CD2AP: variants seen among roughly 807,000 people sequenced by gnomAD.
CD2AP encodes the protein CD2-associated protein.
Under a neutral mutation model 85.1 loss-of-function variants are expected in CD2AP, and 46 were observed. The observed-to-expected ratio is 0.54, with a 90% CI of 0.43 to 0.69. CD2AP has a LOEUF of 0.69. CD2AP is among the 30% of genes least tolerant of loss of function. The pLI is 0.00. For missense variants in CD2AP, 769 were observed against 729.5 expected, an observed-to-expected ratio of 1.05 and a Z score of -0.62; for synonymous variants, 255 against 252.9, an observed-to-expected ratio of 1.01 and a Z score of -0.08.
intron 5 of CD2AP, among the ~76,000 whole-genome samples, chr6:47,560,871 A>G (rs1767840990): frequency 6.6e-6 from 1 of 152,194 alleles, no homozygotes. Context: ...TTTTACTCAA[A>G]TAGTTGTTAC....
At chr6:47,559,705 T>C (rs1767799864) in intron 5 of CD2AP, among the ~76,000 whole-genome samples, 2 of 152,240 alleles carry the variant, frequency 1.3e-5, no homozygotes, top group South Asian at 4.1e-4. Context: ...TTTTAGACTT[T>C]ATTAAGCTCC....
Position 47,587,703 on chromosome 6 carries a change from G to A in CD2AP, c.1108+5638G>A, listed in dbSNP as rs1768668930. ...GAGGAACTCATAATTATTTTGGAAT[G>A]CAAGTAGGGAGGCATGTAAATGTGT... On this transcript the variant is annotated intron_variant, in intron 11 of 17. Coordinates refer to ENST00000359314, the MANE Select transcript of CD2AP (RefSeq NM_012120.3). 7.2e-5 allele frequency among the ~76,000 whole-genome samples: 11 copies of A among 152,170 alleles called. No homozygotes were observed. The South Asian group carries it at 2.3e-3, about 32-fold the overall frequency.
intron 1 of CD2AP, among the ~76,000 whole-genome samples, chr6:47,489,980 T>TG (rs1765686858): frequency 1.3e-5 from 2 of 151,130 alleles, no homozygotes; most frequent in Admixed American, 6.6e-5. Flanking sequence ...TTTTTTTTTT[T>TG]TTTTTTTTTT....
At chr6:47,587,504 G>A (rs1768664262) in intron 11 of CD2AP, among the ~76,000 whole-genome samples, 1 of 152,216 alleles carries the variant, frequency 6.6e-6, no homozygotes, top group Non-Finnish European at 1.5e-5. Flanking sequence ...CTGCCCCTCT[G>A]TTGTTTTCAT....
At chr6:47,606,308 T>C in intron 14 of CD2AP, 31 bp downstream of exon 14, 1 of 1,229,248 alleles carries the variant, frequency 8.1e-7, no homozygotes, top group Non-Finnish European at 1.2e-6. Flanking sequence ...TAAACTACAG[T>C]ATATTTAGCA....
intron 4 of CD2AP, among the ~76,000 whole-genome samples, chr6:47,554,415 C>T (rs1190226186): frequency 2.0e-5 from 3 of 152,124 alleles, no homozygotes; most frequent in Non-Finnish European, 4.4e-5. Context: ...TACAAATTGT[C>T]ATTGTAAATG....
intron 16 of CD2AP, among the ~76,000 whole-genome samples, chr6:47,611,887 A>G (rs1769450804): frequency 6.6e-6 from 1 of 152,086 alleles, no homozygotes; most frequent in South Asian, 2.1e-4. Flanking sequence ...GAAAAGACAT[A>G]ATATTGAATA....
chr6:47,625,559 T>A lies in CD2AP; in HGVS notation c.*1332T>A, dbSNP rs1041160384. On this transcript the variant is annotated 3_prime_UTR_variant, in exon 18 of 18. Coordinates refer to ENST00000359314, the MANE Select transcript of CD2AP (RefSeq NM_012120.3). Reference sequence around the variant, plus strand: ...AGTGGGTTTATTTAAATTTTTAAAATTTGAAATTTTTTATTTGCAAAAAAT... The same window carrying A: ...AGTGGGTTTATTTAAATTTTTAAAAATTGAAATTTTTTATTTGCAAAAAAT... 2.0e-5 allele frequency: 3 copies of A among 151,896 alleles called. No individual in the cohort carries two copies. Among genetic ancestry groups the A allele is most frequent in the Admixed American group, 1.3e-4 (2 of 15,258 alleles). 9.4% of individuals were successfully genotyped at this position (151,896 alleles called of 1,614,324 possible).
intron 2 of CD2AP, among the ~76,000 whole-genome samples, chr6:47,521,983 C>G (rs553347514): frequency 5.7e-4 from 86 of 151,864 alleles, no homozygotes; most frequent in African/African-American, 1.6e-3. Context: ...CCATTGCACT[C>G]TAGCCTGGGC....
chr6:47,500,281 C>T (rs1434582539), intron 1 of CD2AP, among the ~76,000 whole-genome samples: 1 of 152,044 alleles, frequency 6.6e-6, no homozygotes, highest in African/African-American at 2.4e-5. Flanking sequence ...AGTAATTTCC[C>T]TGTTTTAGCC....
chr6:47,588,045 A>C (rs947527033), intron 11 of CD2AP, among the ~76,000 whole-genome samples: 24 of 152,232 alleles, frequency 1.6e-4, no homozygotes, highest in African/African-American at 5.8e-4. Flanking sequence ...TTGCAGTTCC[A>C]TCTGTTTGCA....
chr6:47,568,864 T>G (rs1768073216), intron 5 of CD2AP, among the ~76,000 whole-genome samples: 1 of 152,138 alleles, frequency 6.6e-6, no homozygotes, highest in African/African-American at 2.4e-5. Flanking sequence ...ATTTAAGGAA[T>G]GGACTGAGGA....
chr6:47,551,556 C>T (rs554462067), intron 4 of CD2AP, among the ~76,000 whole-genome samples: 2 of 152,186 alleles, frequency 1.3e-5, no homozygotes, highest in African/African-American at 4.8e-5. Context: ...ATTTTTATCC[C>T]CATTGTACAT....
At chr6:47,610,202 T>C (rs898176999) in intron 16 of CD2AP, among the ~76,000 whole-genome samples, 3 of 152,206 alleles carry the variant, frequency 2.0e-5, no homozygotes, top group Non-Finnish European at 4.4e-5. Flanking sequence ...CAAACCCATA[T>C]TATCTGTTGG....
At chr6:47,622,719 C>T (rs972999928) in intron 17 of CD2AP, among the ~76,000 whole-genome samples, 7 of 152,142 alleles carry the variant, frequency 4.6e-5, no homozygotes, top group African/African-American at 1.7e-4. Flanking sequence ...AAGAGCAGTC[C>T]GCTTTCTTCA....
intron 4 of CD2AP, 45 bp from the exon 5 acceptor site, chr6:47,554,601 A>C: frequency 1.2e-6 from 2 of 1,610,352 alleles, no homozygotes; most frequent in Non-Finnish European, 1.7e-6. Context: ...GACGATTTTC[A>C]CTTAACAGAA....
At chr6:47,500,905 G>A (rs550592722) in intron 1 of CD2AP, among the ~76,000 whole-genome samples, 22 of 152,182 alleles carry the variant, frequency 1.4e-4, no homozygotes, top group African/African-American at 4.6e-4. Flanking sequence ...CTGCCACCAC[G>A]CCTGGCTAAT....
intron 1 of CD2AP, among the ~76,000 whole-genome samples, chr6:47,493,429 C>T (rs1287566292): frequency 6.6e-6 from 1 of 150,528 alleles, no homozygotes; most frequent in Admixed American, 6.6e-5. Flanking sequence ...GAGAAGCCTG[C>T]TGTAATTCTT....
At chr6:47,538,787 G>C (rs1447192622) in intron 3 of CD2AP, among the ~76,000 whole-genome samples, 1 of 152,070 alleles carries the variant, frequency 6.6e-6, no homozygotes, top group Non-Finnish European at 1.5e-5. Flanking sequence ...TAAGAGCTTT[G>C]TTTGATCTGA....
Sources: allele counts gnomAD v4.1 joint callset (sites outside exome capture counted in the v4.1 genomes callset), GRCh38; gene constraint gnomAD v4.1.1; transcripts MANE v1.5; gene names NCBI Gene and HGNC (gene_info 2026-07-23, HGNC 2026-07-21).